CARF: variants seen among roughly 807,000 people sequenced by gnomAD.
CARF encodes calcium-responsive transcription factor.
Under a neutral mutation model 82.0 loss-of-function variants are expected in CARF, and 57 were observed. That is an observed-to-expected ratio of 0.70 (90% CI 0.56 to 0.87). The LOEUF (loss-of-function observed/expected upper bound fraction) is 0.87, where lower values mean the gene tolerates loss of function less well. Ranked by LOEUF, CARF falls within the 40% of genes least tolerant of loss-of-function variation. The pLI is 0.00. For synonymous variants in CARF, 268 were observed against 290.1 expected (o/e 0.92, Z 0.77); for missense variants, 771 against 855.8 (o/e 0.90, Z 1.24).
intron 5 of CARF, among the ~76,000 whole-genome samples, chr2:202,946,254 C>T (rs1052381585): frequency 4.6e-5 from 7 of 152,180 alleles, no homozygotes; most frequent in African/African-American, 1.7e-4. Context: ...AACTATACTA[C>T]AAGGCTACAG....
rs967211193 is a variant in CARF at position 202,941,773 on chromosome 2, G to A, written c.-43-87G>A. 8.1e-6 allele frequency: 5 copies of A among 616,704 alleles called. No homozygotes were observed. In the Admixed American group the frequency reaches 8.4e-5, roughly 10 times the overall value. 38.2% of individuals were successfully genotyped at this position (616,704 alleles called of 1,614,324 possible). A position where few individuals can be genotyped will look rare whatever the true frequency, so the allele number is the denominator to read the frequency against. ...TACCTAAATTATATAGGGTACCACA[G>A]TAGTGAATATGAGAGATTTGTTTAA... On this transcript the variant is annotated intron_variant, in intron 3 of 16. Transcript: ENST00000438828.
chr2:202,917,350 T>A (rs1689928341), intron 1 of CARF, among the ~76,000 whole-genome samples: 1 of 151,778 alleles, frequency 6.6e-6, no homozygotes, highest in Non-Finnish European at 1.5e-5. Flanking sequence ...GCCGGCAAAA[T>A]TTAATGCTTT....
At position 202,961,240 on chromosome 2, in the gene CARF, A is replaced by C. The variant is rs1294859046; in HGVS notation, c.646A>C (p.Ile216Leu). ...GTTTAATTTCTACCACATGCAGAAAATTGGAGATTCATACCGTGGCTACTG... is the reference window on the plus strand; with the variant it reads ...GTTTAATTTCTACCACATGCAGAAACTTGGAGATTCATACCGTGGCTACTG... ...WACRLRSCEKIGDSYRGYCVS... is the reference protein window; with the variant it reads ...WACRLRSCEKLGDSYRGYCVS... Residue 216 changes from isoleucine (I) to leucine (L), a missense_variant, in exon 9 of 17, where the codon ATT becomes CTT. Transcript: ENST00000438828. The C allele has an allele frequency of 6.3e-7, 1 of 1,599,790 alleles. No individual in the cohort carries two copies. The highest frequency in any genetic ancestry group is 8.5e-7 in the Non-Finnish European group (1 of 1,171,638).
At position 202,987,804 on chromosome 2, in the gene CARF, A is replaced by T. The variant is rs1234450613; in HGVS notation, c.*4180A>T. Among the ~76,000 whole-genome samples, 1 of 152,184 alleles carries T rather than the reference A, an allele frequency of 6.6e-6. No individual in the cohort carries two copies. Among genetic ancestry groups the T allele is most frequent in the Non-Finnish European group, 1.5e-5 (1 of 68,022 alleles). On this transcript the variant is annotated 3_prime_UTR_variant, in exon 17 of 17. Transcript: ENST00000438828. ...TGTACCAGGAGGGATTTTATTTTTA[A>T]ATATCTTTATTGAGGTATAATTGAA...
At chr2:202,929,408 C>T (rs975925214) in intron 3 of CARF, among the ~76,000 whole-genome samples, 14 of 152,130 alleles carry the variant, frequency 9.2e-5, no homozygotes, top group Non-Finnish European at 4.4e-5. Context: ...ATACAGATAT[C>T]CAGTTTTCCC....
chr2:202,977,224 A>C (rs767982607), intron 13 of CARF, 45 bp from the exon 14 acceptor site: 1 of 1,401,238 alleles, frequency 7.1e-7, no homozygotes, highest in South Asian at 1.2e-5. Context: ...GATATTTTTC[A>C]ATATAAGAGC....
intron 8 of CARF, among the ~76,000 whole-genome samples, chr2:202,957,355 C>A (rs2059103623): frequency 6.6e-6 from 1 of 152,160 alleles, no homozygotes; most frequent in South Asian, 2.1e-4. Flanking sequence ...AAAGGCCTTT[C>A]ATAATCTGGT....
At position 202,982,377 on chromosome 2, in the gene CARF, T is replaced by C; in HGVS notation, c.1995T>C (p.His665=). The C allele has an allele frequency of 6.2e-7, 1 of 1,614,162 alleles. No homozygotes were observed. Among genetic ancestry groups the C allele is most frequent in the Non-Finnish European group, 8.5e-7 (1 of 1,180,016 alleles). ...EDTGNLEGTV[H]RILLGDVQTI... ...CAGGGAATCTGGAAGGAACTGTTCA[T>C]CGGATTCTGTTGGGAGATGTGCAGA... Residue 665 remains histidine (H), a synonymous_variant, in exon 16 of 17, where the codon CAT becomes CAC. Coordinates refer to ENST00000438828, the MANE Select transcript of CARF (RefSeq NM_024744.17).
In CARF at chr2:202,981,576, T is replaced by C; in HGVS notation, c.1580T>C (p.Ile527Thr). ...FAEGNSPGESITTKVETNQTR... is the reference protein window; with the variant it reads ...FAEGNSPGESTTTKVETNQTR... ...TTAGGAAATTCACCAGGAGAATCAA[T>C]TACCACCAAAGTGGAAACAAATCAG... Residue 527 changes from isoleucine (I) to threonine (T), a missense_variant, in exon 15 of 17, where the codon ATT becomes ACT. By Grantham distance (89) the Ile-to-Thr change is moderately conservative (BLOSUM62 -1). Coordinates refer to ENST00000438828, the MANE Select transcript of CARF (RefSeq NM_024744.17). 6.2e-7 allele frequency: 1 copy of C among 1,602,022 alleles called. No homozygotes were observed. The highest frequency in any genetic ancestry group is 2.2e-5 in the East Asian group (1 of 44,692).
intron 1 of CARF, among the ~76,000 whole-genome samples, chr2:202,913,447 TATC>T (rs1045787288): frequency 6.6e-6 from 1 of 152,222 alleles, no homozygotes; most frequent in Non-Finnish European, 1.5e-5. Flanking sequence ...TGTTAATTAT[TATC>T]ATCAAATAGT....
At chr2:202,945,660 G>A (rs1476411336) in intron 5 of CARF, among the ~76,000 whole-genome samples, 3 of 152,152 alleles carry the variant, frequency 2.0e-5, no homozygotes, top group African/African-American at 7.2e-5. Flanking sequence ...TTTTATGGCT[G>A]CATAGTATTC....
rs1553584566 is a variant in CARF, at chr2:202,986,885, T to TACATATATATATATATATATATATATAC, written c.*3262_*3263insCATATATATATATATATATATATATACA. ...GTCTGTGCGTATATATATATATATATATATATATATATATATATATATAGC... is the reference window on the plus strand; with the variant it reads ...GTCTGTGCGTATATATATATATATATACATATATATATATATATATATATATACATATATATATATATATATATATAGC... On this transcript the variant is annotated 3_prime_UTR_variant, in exon 17 of 17. Coordinates refer to ENST00000438828, the MANE Select transcript of CARF (RefSeq NM_024744.17). 1.3e-4 allele frequency: 12 copies of TACATATATATATATATATATATATATAC among 94,358 alleles called. No homozygotes were observed. Among genetic ancestry groups the TACATATATATATATATATATATATATAC allele is most frequent in the African/African-American group, 3.7e-4 (12 of 32,274 alleles). The allele number at this position is 94,358 out of a possible 1,614,324, so 5.8% of individuals were successfully genotyped here.
At chr2:202,928,753 G>A (rs572619162) in intron 3 of CARF, among the ~76,000 whole-genome samples, 129 of 152,036 alleles carry the variant, frequency 8.5e-4, no homozygotes, top group African/African-American at 2.8e-3. Flanking sequence ...TTGACCATTC[G>A]TATGTCTTCT....
At chr2:202,954,170 A>G (rs1286108948) in intron 7 of CARF, 36 bp downstream of exon 7, 3 of 1,590,916 alleles carry the variant, frequency 1.9e-6, no homozygotes, top group Non-Finnish European at 2.6e-6. Context: ...ATCTTTTAAT[A>G]TCACCATGGA....
intron 4 of CARF, 133 bp from the exon 5 acceptor site, chr2:202,942,607 C>T: frequency 9.8e-7 from 1 of 1,022,068 alleles, no homozygotes; most frequent in Non-Finnish European, 1.4e-6. Flanking sequence ...CTGTGTATAG[C>T]AATTTGTGTG....
At chr2:202,924,477 A>C (rs1233142962) in intron 3 of CARF, 62 bp downstream of exon 3, 1 of 152,188 alleles carries the variant, frequency 6.6e-6, no homozygotes, top group East Asian at 1.9e-4. Flanking sequence ...CCATTAGTTA[A>C]AAAATGTCCT....
intron 3 of CARF, among the ~76,000 whole-genome samples, chr2:202,933,071 C>T (rs772346105): frequency 2.0e-5 from 3 of 152,114 alleles, no homozygotes; most frequent in Non-Finnish European, 4.4e-5. Context: ...CATGACTGCT[C>T]TGAGCAGCTA....
intron 3 of CARF, among the ~76,000 whole-genome samples, chr2:202,932,792 G>T (rs1337778379): frequency 6.6e-6 from 1 of 152,084 alleles, no homozygotes; most frequent in East Asian, 1.9e-4. Context: ...ACTCTAGGGG[G>T]CTAGTCCAGC....
At chr2:202,945,805 A>G (rs1290248454) in intron 5 of CARF, among the ~76,000 whole-genome samples, 1 of 152,194 alleles carries the variant, frequency 6.6e-6, no homozygotes, top group Non-Finnish European at 1.5e-5. Flanking sequence ...AGAATGATTT[A>G]TATTCCTCTG....
Sources: gnomAD v4.1 joint callset for allele counts (sites outside exome capture counted in the v4.1 genomes callset) on GRCh38, gnomAD v4.1.1 for gene constraint, MANE v1.5 for transcripts, NCBI Gene and HGNC (gene_info 2026-07-23, HGNC 2026-07-21) for gene names.